Variants in SYNE3 observed in about 807,000 individuals in gnomAD.
SYNE3 encodes the protein spectrin repeat containing nuclear envelope family member 3, also known as nesprin-3.
SYNE3 carries 100 observed loss-of-function variants against 111.2 expected under a neutral mutation model. That is an observed-to-expected ratio of 0.90 (90% confidence interval 0.77 to 1.06). SYNE3 has a LOEUF of 1.06. Among genes scored for constraint, SYNE3 ranks in the 50% least tolerant of loss-of-function variants. The pLI is 0.00. For missense variants in SYNE3, 1,160 were observed against 1,240.3 expected (o/e 0.94, Z 0.97); for synonymous variants, 547 against 533.9 (o/e 1.02, Z -0.34).
Position 95,410,218 on chromosome 14 carries a change from C to T in SYNE3, c.*7608G>A, listed in dbSNP as rs1029004567. On this transcript the variant is annotated 3_prime_UTR_variant, in exon 18 of 18. Coordinates refer to ENST00000682763, the MANE Select transcript of SYNE3 (RefSeq NM_152592.6). ...GAGGTGGCAGGCCGTGGTGGCAGGT[C>T]ACTCTCACACTGCAAGGATGATGCC... 6.6e-6 allele frequency: 1 copy of T among 152,360 alleles called. No homozygotes were observed. Among genetic ancestry groups the T allele is most frequent in the African/African-American group, 2.4e-5 (1 of 41,460 alleles). 9.4% of individuals were successfully genotyped at this position (152,360 alleles called of 1,614,324 possible). A position where few individuals can be genotyped will look rare whatever the true frequency, so the allele number is the denominator to read the frequency against.
intron 1 of SYNE3, among the ~76,000 whole-genome samples, chr14:95,499,940 A>T (rs1455471154): frequency 1.4e-5 from 2 of 142,506 alleles, no homozygotes; most frequent in Non-Finnish European, 3.0e-5. Context: ...GCTCACTGCA[A>T]CCTCCGCCTC....
rs369928370 is a variant in SYNE3 at position 95,500,243 on chromosome 14, G to C, written c.-15+16353C>G. On this transcript the variant is annotated intron_variant, in intron 1 of 17. Coordinates refer to ENST00000682763, the MANE Select transcript of SYNE3 (RefSeq NM_152592.6). This position sits in a 1 kb window ranked among gnomAD's most constrained non-coding sequence, Gnocchi z 4.7. ...CTTCACCTCCTTGGAGTCCAAGGTC[G>C]ACTGTTAACAGGCTGTACAGGTTAT... Among the ~76,000 whole-genome samples, 1 of 152,134 alleles carries C rather than the reference G, an allele frequency of 6.6e-6. No homozygotes were observed. The highest frequency in any genetic ancestry group is 1.5e-5 in the Non-Finnish European group (1 of 68,034).
At chr14:95,436,511 T>C (rs981530008) in intron 15 of SYNE3, among the ~76,000 whole-genome samples, 1 of 152,140 alleles carries the variant, frequency 6.6e-6, no homozygotes, top group Non-Finnish European at 1.5e-5. Flanking sequence ...GTTAAATACA[T>C]AGTTATTGTT....
intron 1 of SYNE3, among the ~76,000 whole-genome samples, chr14:95,487,374 C>T (rs1474842240): frequency 6.6e-6 from 1 of 152,146 alleles, no homozygotes; most frequent in African/African-American, 2.4e-5. Flanking sequence ...ATTGGGGAGG[C>T]CTGGCAAGGT....
chr14:95,510,481 GAGA>G (rs1310752685), intron 1 of SYNE3, among the ~76,000 whole-genome samples: 6 of 152,228 alleles, frequency 3.9e-5, no homozygotes, highest in African/African-American at 7.2e-5. Flanking sequence ...TCTTTGATGA[GAGA>G]AGAAGATGGC....
In SYNE3 at chr14:95,417,758, G is replaced by T; in HGVS notation, c.*68C>A. ...CCCCTGTTTCCAGTTTCCCTGGCGAGCATCCTCAGGAGGGGCCCTGGGACT... is the reference window on the plus strand; with the variant it reads ...CCCCTGTTTCCAGTTTCCCTGGCGATCATCCTCAGGAGGGGCCCTGGGACT... On this transcript the variant is annotated 3_prime_UTR_variant, in exon 18 of 18. Coordinates refer to ENST00000682763, the MANE Select transcript of SYNE3 (RefSeq NM_152592.6). The T allele has an allele frequency of 6.5e-7, 1 of 1,539,816 alleles. No homozygotes were observed. The highest frequency in any genetic ancestry group is 9.0e-7 in the Non-Finnish European group (1 of 1,112,776).
intron 10 of SYNE3, chr14:95,443,562 A>G: frequency 2.5e-6 from 1 of 397,948 alleles, no homozygotes; most frequent in Non-Finnish European, 4.5e-6. Context: ...CTGGGGACAA[A>G]CTCACATTGG....
chr14:95,433,960 T>C (rs1454579470), intron 15 of SYNE3, among the ~76,000 whole-genome samples: 2 of 152,054 alleles, frequency 1.3e-5, no homozygotes, highest in African/African-American at 4.8e-5. Context: ...TAGCATGTAA[T>C]ATGGGACACC....
At position 95,470,126 on chromosome 14, in the gene SYNE3, G is replaced by T. The variant is rs968084943; in HGVS notation, c.145-2159C>A. On this transcript the variant is annotated intron_variant, in intron 2 of 17. Coordinates refer to ENST00000682763, the MANE Select transcript of SYNE3 (RefSeq NM_152592.6). This position sits in a 1 kb window ranked among gnomAD's most constrained non-coding sequence, Gnocchi z 4.2. The stretch of plus-strand genomic sequence containing the variant: ...GTGGCCACAGCAAGTACCCACACAG[G>T]GACCCCGAGTCCCTCTCAGCAGCGA... 6.6e-6 allele frequency among the ~76,000 whole-genome samples: 1 copy of T among 152,094 alleles called. No homozygotes were observed. Among genetic ancestry groups the T allele is most frequent in the Non-Finnish European group, 1.5e-5 (1 of 68,004 alleles).
intron 17 of SYNE3, among the ~76,000 whole-genome samples, chr14:95,425,302 T>C (rs1885371414): frequency 6.6e-6 from 1 of 150,994 alleles, no homozygotes; most frequent in Non-Finnish European, 1.5e-5. Context: ...ACAAAGACAC[T>C]GAGGAACCTT....
At chr14:95,495,319 G>A (rs1441756690) in intron 1 of SYNE3, among the ~76,000 whole-genome samples, 1 of 152,196 alleles carries the variant, frequency 6.6e-6, no homozygotes, top group East Asian at 1.9e-4. Flanking sequence ...GGACAATGCT[G>A]TTTGACAGTT....
At chr14:95,431,662 T>C (rs763504057) in intron 17 of SYNE3, among the ~76,000 whole-genome samples, 1 of 152,214 alleles carries the variant, frequency 6.6e-6, no homozygotes, top group Admixed American at 6.5e-5. Flanking sequence ...CCGAGCCCCA[T>C]AGACTCTCCA....
At chr14:95,460,185 A>C (rs1887702099) in intron 4 of SYNE3, among the ~76,000 whole-genome samples, 1 of 152,070 alleles carries the variant, frequency 6.6e-6, no homozygotes. Context: ...GGCACCATAC[A>C]TTCTTATTTA....
chr14:95,505,093 C>A (rs1431418304), intron 1 of SYNE3, among the ~76,000 whole-genome samples: 1 of 152,240 alleles, frequency 6.6e-6, no homozygotes, highest in Non-Finnish European at 1.5e-5. Context: ...CCTTGGGACT[C>A]CGGGCAACTC....
chr14:95,514,150 C>T (rs1890824350), intron 1 of SYNE3, among the ~76,000 whole-genome samples: 1 of 152,104 alleles, frequency 6.6e-6, no homozygotes, highest in African/African-American at 2.4e-5. Flanking sequence ...GAAAGAGTCC[C>T]AGGGCAGCCC....
intron 1 of SYNE3, among the ~76,000 whole-genome samples, chr14:95,513,820 C>T (rs941865451): frequency 3.0e-5 from 4 of 133,210 alleles, no homozygotes; most frequent in African/African-American, 5.9e-5. Flanking sequence ...TTAATGAAGA[C>T]AAGCATCCTG....
intron 17 of SYNE3, 146 bp from the exon 18 acceptor site, chr14:95,418,172 A>G (rs919610209): frequency 1.2e-6 from 1 of 825,170 alleles, no homozygotes; most frequent in Non-Finnish European, 1.9e-6. Context: ...CATCTGTGAA[A>G]CAGGGCTAAT....
In SYNE3 at chr14:95,516,584, C is replaced by T. The variant is rs926471378; in HGVS notation, c.-15+12G>A. 6.6e-6 allele frequency among the ~76,000 whole-genome samples: 1 copy of T among 151,650 alleles called. No homozygotes were observed. Among genetic ancestry groups the T allele is most frequent in the Non-Finnish European group, 1.5e-5 (1 of 67,764 alleles). On this transcript the variant is annotated intron_variant, in intron 1 of 17. Transcript: ENST00000682763. ...GGCCCCAGGCCTGGCCTCCCGGCCC[C>T]GTGCCACTTACCCTCCCGGAGCGTG...
In SYNE3 at chr14:95,449,972, G is replaced by A. The variant is rs766787168; in HGVS notation, c.1408C>T (p.Pro470Ser). 2.3e-5 allele frequency: 35 copies of A among 1,554,618 alleles called. No homozygotes were observed. The highest frequency in any genetic ancestry group is 3.6e-4 in the Middle Eastern group (2 of 5,630). The change falls in exon 8 of 18, where the codon CCG becomes TCG. Residue 470 changes from proline (P) to serine (S), a missense_variant. Transcript: ENST00000682763. ...AAGGTGTGAAGGGAAGGCAGGTCCG[G>A]CAGGCTGGCAGTGACCTCCAAGAGC... is the stretch of plus-strand genomic sequence containing the variant. ...QRLLEVTASL[P>S]DLPSLHTFLP...
Sources: gnomAD v4.1 joint callset for allele counts (sites outside exome capture counted in the v4.1 genomes callset) on GRCh38, gnomAD v4.1.1 for gene constraint, Gnocchi (gnomAD v3.1) non-coding constraint, MANE v1.5 for transcripts, NCBI Gene and HGNC (gene_info 2026-07-23, HGNC 2026-07-21) for gene names.